The following TDO2 variants were observed in gnomAD, a reference collection of about 807,000 sequenced individuals.
TDO2 encodes tryptophan 2,3-dioxygenase.
In TDO2, 63 loss-of-function variants were observed where a neutral mutation model predicts 61.2. The observed-to-expected ratio is 1.03, with a 90% CI of 0.84 to 1.27. The LOEUF (loss-of-function observed/expected upper bound fraction) is 1.27. Among genes scored for constraint, TDO2 ranks in the 50% most tolerant of loss-of-function variants. TDO2 has a pLI of 0.00. For missense variants in TDO2, 494 were observed against 469.5 expected, an observed-to-expected ratio of 1.05 and a Z score of -0.48; for synonymous variants, 183 against 164.0, an observed-to-expected ratio of 1.12 and a Z score of -0.89.
intron 5 of TDO2, among the ~76,000 whole-genome samples, chr4:155,909,215 G>A (rs72681568): frequency 0.019 from 2,855 of 152,204 alleles, 46 homozygotes; most frequent in Non-Finnish European, 0.03. Flanking sequence ...ACATGTAAGC[G>A]TAATATGATC....
intron 10 of TDO2, among the ~76,000 whole-genome samples, chr4:155,917,939 T>C (rs1230700632): frequency 6.6e-6 from 1 of 152,158 alleles, no homozygotes; most frequent in Non-Finnish European, 1.5e-5. Flanking sequence ...CAGCGAAGGA[T>C]GGAGTGAAAT....
chr4:155,913,347 A>G (rs928608911), intron 7 of TDO2, among the ~76,000 whole-genome samples: 3 of 152,098 alleles, frequency 2.0e-5, no homozygotes, highest in Non-Finnish European at 4.4e-5. Context: ...AGCTAAGTTT[A>G]GTTCTTTGGA....
At chr4:155,911,349 G>A in intron 6 of TDO2, 148 bp from the exon 7 acceptor site, 1 of 453,758 alleles carries the variant, frequency 2.2e-6, no homozygotes, top group Admixed American at 4.1e-5. Flanking sequence ...AGAAATTGAA[G>A]AGAAATAAAA....
Position 155,920,217 on chromosome 4 carries a change from C to G in TDO2, c.*227C>G. ...GTAACATTGTACATAGGGTGTTTTC[C>G]TATTAAAAATTCAGTTTCCCCTGAG... On this transcript the variant is annotated 3_prime_UTR_variant, in exon 12 of 12. Transcript: ENST00000536354. The G allele has an allele frequency of 2.1e-6, 1 of 484,668 alleles. No homozygotes were observed. The highest frequency in any genetic ancestry group is 3.8e-5 in the East Asian group (1 of 26,522). 30.0% of individuals were successfully genotyped at this position (484,668 alleles called of 1,614,324 possible). A position where few individuals can be genotyped will look rare whatever the true frequency, so the allele number is the denominator to read the frequency against.
chr4:155,911,361 AC>A (rs1742825923), intron 6 of TDO2, 135 bp from the exon 7 acceptor site: 3 of 519,582 alleles, frequency 5.8e-6, no homozygotes, highest in Non-Finnish European at 9.8e-6. Context: ...GAAATAAAAA[AC>A]ATTTACAAAT....
chr4:155,909,020 C>A lies in TDO2; in HGVS notation c.431+6C>A. ...TTGGACTTCAATGACTTCAGGTGTG[C>A]ACATTTGGCATTTTAAAAAATGTGA... On this transcript the variant is annotated splice_donor_region_variant and intron_variant, in intron 5 of 11. Coordinates refer to ENST00000536354, the MANE Select transcript of TDO2 (RefSeq NM_005651.4). The A allele has an allele frequency of 6.3e-7, 1 of 1,583,780 alleles. No individual in the cohort carries two copies. The highest frequency in any genetic ancestry group is 8.6e-7 in the Non-Finnish European group (1 of 1,167,012).
chr4:155,911,178 A>C (rs1224315337), intron 6 of TDO2, among the ~76,000 whole-genome samples: 4 of 151,962 alleles, frequency 2.6e-5, no homozygotes, highest in Admixed American at 6.6e-5. Context: ...ATACTCTTTA[A>C]ATATGTTTAG....
In TDO2 at chr4:155,920,153, A is replaced by G. The variant is rs1743016920; in HGVS notation, c.*163A>G. 1.6e-6 allele frequency: 1 copy of G among 635,842 alleles called. No homozygotes were observed. The highest frequency in any genetic ancestry group is 2.1e-5 in the South Asian group (1 of 47,778). 39.4% of individuals were successfully genotyped at this position (635,842 alleles called of 1,614,324 possible). ...AATTTGATTACCTCTTGTTTGTGAC[A>G]AGACTAAGCATTAAGATGAGAAAGA... is the stretch of plus-strand genomic sequence containing the variant. On this transcript the variant is annotated 3_prime_UTR_variant, in exon 12 of 12. Coordinates refer to ENST00000536354, the MANE Select transcript of TDO2 (RefSeq NM_005651.4).
At chr4:155,913,941 T>C (rs751636995) in intron 7 of TDO2, among the ~76,000 whole-genome samples, 3 of 152,120 alleles carry the variant, frequency 2.0e-5, no homozygotes, top group South Asian at 4.1e-4. Flanking sequence ...TTAATAGTTC[T>C]TCTGACTAGG....
intron 4 of TDO2, among the ~76,000 whole-genome samples, chr4:155,908,105 G>A (rs1742753508): frequency 6.6e-6 from 1 of 152,110 alleles, no homozygotes; most frequent in Non-Finnish European, 1.5e-5. Context: ...ACAGGTACCA[G>A]AATTGTATTT....
rs369509462 is a variant in TDO2, at chr4:155,907,712, C to A, written c.233-10C>A. 14 of 1,605,976 alleles carry A rather than the reference C, an allele frequency of 8.7e-6. No homozygotes were observed. Reference sequence around the variant, plus strand: ...TAACTTTCCAACTGACAATGATTTCCTTATTACAGCTTATGAACTCTGGTT... The same window carrying A: ...TAACTTTCCAACTGACAATGATTTCATTATTACAGCTTATGAACTCTGGTT... On this transcript the variant is annotated splice_polypyrimidine_tract_variant and intron_variant, in intron 3 of 11. Transcript: ENST00000536354.
At position 155,918,206 on chromosome 4, in the gene TDO2, C is replaced by T; in HGVS notation, c.1034C>T (p.Ser345Phe). The part of the protein sequence containing the change: ...MLGSKAGTGG[S>F]SGYHYLRSTV... ...GGCAGCAAAGCTGGCACCGGTGGTT[C>T]CTCAGGCTATCACTACCTGCGATCA... The change falls in exon 11 of 12, where the codon TCC (serine) becomes TTC (phenylalanine). Residue 345 changes from serine (S) to phenylalanine (F), a missense_variant. Transcript: ENST00000536354. The T allele has an allele frequency of 6.2e-7, 1 of 1,614,044 alleles. No individual in the cohort carries two copies. Among genetic ancestry groups the T allele is most frequent in the Admixed American group, 1.7e-5 (1 of 60,016 alleles).
chr4:155,920,152 C>A lies in TDO2; in HGVS notation c.*162C>A. On this transcript the variant is annotated 3_prime_UTR_variant, in exon 12 of 12. Coordinates refer to ENST00000536354, the MANE Select transcript of TDO2 (RefSeq NM_005651.4). ...CAATTTGATTACCTCTTGTTTGTGA[C>A]AAGACTAAGCATTAAGATGAGAAAG... 4 of 633,952 alleles carry A rather than the reference C, an allele frequency of 6.3e-6. No homozygotes were observed. The allele number at this position is 633,952 out of a possible 1,614,324, so 39.3% of individuals were successfully genotyped here. A position where few individuals can be genotyped will look rare whatever the true frequency, so the allele number is the denominator to read the frequency against.
At chr4:155,911,827 A>G (rs1004205342) in intron 7 of TDO2, among the ~76,000 whole-genome samples, 1 of 152,154 alleles carries the variant, frequency 6.6e-6, no homozygotes, top group Non-Finnish European at 1.5e-5. Flanking sequence ...TTTGTCTATG[A>G]TAACTAGCTG....
Position 155,919,832 on chromosome 4 carries a change from T to G in TDO2, c.1068-5T>G. On this transcript the variant is annotated splice_polypyrimidine_tract_variant and splice_region_variant and intron_variant, in intron 11 of 11. Transcript: ENST00000536354. ...TGTAACACATCTTCATGTATGTTTT[T>G]CCAGTGATAGGTACAAGGTATTTGT... 6.3e-7 allele frequency: 1 copy of G among 1,592,886 alleles called. No homozygotes were observed. The highest frequency in any genetic ancestry group is 8.5e-7 in the Non-Finnish European group (1 of 1,170,466).
intron 5 of TDO2, 76 bp from the exon 6 acceptor site, chr4:155,909,949 C>CCCTCCCCCT (rs1742799347): frequency 7.4e-6 from 1 of 135,612 alleles, no homozygotes; most frequent in African/African-American, 3.9e-5. Flanking sequence ...CCCCTCCCCC[C>CCCTCCCCCT]CCTTTCTCTT....
chr4:155,915,905 T>G lies in TDO2; in HGVS notation c.889T>G (p.Phe297Val), dbSNP rs747302408. The G allele has an allele frequency of 9.3e-6, 15 of 1,607,930 alleles. No individual in the cohort carries two copies. Among genetic ancestry groups the G allele is most frequent in the Non-Finnish European group, 1.2e-5 (14 of 1,177,590 alleles). Residue 297 changes from phenylalanine (F) to valine (V), a missense_variant, in exon 9 of 12, where the codon TTT (phenylalanine) becomes GTT (valine). Physicochemically the swap from Phe to Val is conservative, Grantham distance 50. Transcript: ENST00000536354. ...ACTTCAGGGAGCATTGATGATATATTTTTACAGGTAAAGCAAATCCGAAGA... is the reference window on the plus strand; with the variant it reads ...ACTTCAGGGAGCATTGATGATATATGTTTACAGGTAAAGCAAATCCGAAGA... ...RALQGALMIY[F>V]YREEPRFQVP...
At chr4:155,910,296 A>C (rs1382148980) in intron 6 of TDO2, 85 bp downstream of exon 6, 2 of 1,008,890 alleles carry the variant, frequency 2.0e-6, no homozygotes, top group South Asian at 3.5e-5. Flanking sequence ...AAAAACGTAT[A>C]TCGAAACTGA....
chr4:155,918,236 T>C lies in TDO2; in HGVS notation c.1064T>C (p.Val355Ala). The C allele has an allele frequency of 6.2e-7, 1 of 1,613,890 alleles. No homozygotes were observed. Among genetic ancestry groups the C allele is most frequent in the Non-Finnish European group, 8.5e-7 (1 of 1,179,834 alleles). ...GGCTATCACTACCTGCGATCAACTGTGAGGTAGGTGGGGAAATTCTCCTTT... is the reference window on the plus strand; with the variant it reads ...GGCTATCACTACCTGCGATCAACTGCGAGGTAGGTGGGGAAATTCTCCTTT... ...SSGYHYLRST[V>A]SDRYKVFVDL... The change falls in exon 11 of 12, where the codon GTG (valine) becomes GCG (alanine). Residue 355 changes from valine (V) to alanine (A), a missense_variant. Coordinates refer to ENST00000536354, the MANE Select transcript of TDO2 (RefSeq NM_005651.4).
Sources: gnomAD v4.1 joint callset for allele counts (sites outside exome capture counted in the v4.1 genomes callset) on GRCh38, gnomAD v4.1.1 for gene constraint, MANE v1.5 for transcripts, NCBI Gene and HGNC (gene_info 2026-07-23, HGNC 2026-07-21) for gene names.